Variants in FOXN3 observed in about 807,000 individuals in gnomAD.
FOXN3 encodes forkhead box protein N3.
FOXN3 carries 7 observed loss-of-function variants against 38.4 expected under a neutral mutation model. The ratio of observed to expected loss-of-function variants is 0.18; its 90% CI spans 0.10 to 0.34. The LOEUF is 0.34. Among genes scored for constraint, FOXN3 ranks in the 10% least tolerant of loss-of-function variants. FOXN3 has a pLI of 1.00. For missense variants in FOXN3, 456 were observed against 613.4 expected, an observed-to-expected ratio of 0.74 and a Z score of 2.71; for synonymous variants, 230 against 242.2, an observed-to-expected ratio of 0.95 and a Z score of 0.47.
chr14:89,288,428 G>T (rs1317776943), intron 3 of FOXN3, among the ~76,000 whole-genome samples: 1 of 152,094 alleles, frequency 6.6e-6, no homozygotes, highest in Non-Finnish European at 1.5e-5. Flanking sequence ...CTGACAGGTG[G>T]CAGCTGCTCT....
At chr14:89,226,040 A>G (rs1884627179) in intron 4 of FOXN3, among the ~76,000 whole-genome samples, 1 of 148,666 alleles carries the variant, frequency 6.7e-6, no homozygotes, top group Non-Finnish European at 1.5e-5. Flanking sequence ...GAGCAGCTTT[A>G]TTTCTAAAAT....
chr14:89,505,411 A>G (rs1466933377), intron 1 of FOXN3, among the ~76,000 whole-genome samples: 1 of 151,640 alleles, frequency 6.6e-6, no homozygotes, highest in African/African-American at 2.4e-5. Flanking sequence ...AGTGCCTGCG[A>G]TTGCAGGCGC....
intron 1 of FOXN3, among the ~76,000 whole-genome samples, chr14:89,519,462 AC>A (rs1327415117): frequency 3.1e-4 from 47 of 152,208 alleles, no homozygotes; most frequent in African/African-American, 1.1e-3. Context: ...GAGCCTGGTC[AC>A]AGTTCATGGA....
chr14:89,476,230 G>C (rs1249345762), intron 1 of FOXN3, among the ~76,000 whole-genome samples: 1 of 152,032 alleles, frequency 6.6e-6, no homozygotes, highest in Non-Finnish European at 1.5e-5. Flanking sequence ...GCACTTTTGG[G>C]GTGAGATAAT....
In FOXN3 at chr14:89,159,404, G is replaced by A. The variant is rs1440205720; in HGVS notation, c.*3010C>T. On this transcript the variant is annotated 3_prime_UTR_variant, in exon 6 of 6. Coordinates refer to ENST00000557258, the MANE Select transcript of FOXN3 (RefSeq NM_005197.4). Reference sequence around the variant, plus strand: ...GGCAGATCCAACGAAGGGAGACTCAGGAAAATCACACTTAGAAAGCTGCCC... The same window carrying A: ...GGCAGATCCAACGAAGGGAGACTCAAGAAAATCACACTTAGAAAGCTGCCC... 4 of 152,588 alleles carry A rather than the reference G, an allele frequency of 2.6e-5. No homozygotes were observed. Among genetic ancestry groups the A allele is most frequent in the African/African-American group, 9.7e-5 (4 of 41,408 alleles). 9.5% of individuals were successfully genotyped at this position (152,588 alleles called of 1,614,324 possible). A position where few individuals can be genotyped will look rare whatever the true frequency, so the allele number is the denominator to read the frequency against.
intron 4 of FOXN3, among the ~76,000 whole-genome samples, chr14:89,229,632 C>T (rs1264098526): frequency 2.0e-5 from 3 of 152,126 alleles, no homozygotes; most frequent in Non-Finnish European, 2.9e-5. Context: ...AATACACTTC[C>T]GATGGTGTTT....
intron 3 of FOXN3, among the ~76,000 whole-genome samples, chr14:89,334,308 A>G (rs1888370689): frequency 6.6e-6 from 1 of 151,260 alleles, no homozygotes; most frequent in Non-Finnish European, 1.5e-5. Context: ...AAAAACTTGC[A>G]GTTATAAAAT....
chr14:89,504,567 G>A (rs982911155), intron 1 of FOXN3, among the ~76,000 whole-genome samples: 2 of 152,168 alleles, frequency 1.3e-5, no homozygotes, highest in Non-Finnish European at 2.9e-5. Context: ...GTAAGGCCCA[G>A]AACCACAGCC....
chr14:89,207,032 G>A (rs71426905), intron 4 of FOXN3, among the ~76,000 whole-genome samples: 4 of 152,114 alleles, frequency 2.6e-5, no homozygotes, highest in Non-Finnish European at 4.4e-5. Context: ...AGTAGTAGCA[G>A]TAGCGGCAAG....
chr14:89,582,941 T>C (rs538359931), intron 1 of FOXN3, among the ~76,000 whole-genome samples: 134 of 152,340 alleles, frequency 8.8e-4, no homozygotes, highest in African/African-American at 1.3e-3. Context: ...CATAATGTCA[T>C]GTGTATCAAT....
intron 1 of FOXN3, among the ~76,000 whole-genome samples, chr14:89,608,897 TG>T (rs1896334688): frequency 6.6e-6 from 1 of 152,180 alleles, no homozygotes; most frequent in Admixed American, 6.5e-5. Flanking sequence ...TGACGATCAA[TG>T]GGTGTGTGCT....
chr14:89,357,025 C>T (rs1436579172), intron 2 of FOXN3, among the ~76,000 whole-genome samples: 1 of 152,076 alleles, frequency 6.6e-6, no homozygotes, highest in Non-Finnish European at 1.5e-5. Context: ...TTCAGGTGGG[C>T]AGCAATGAGA....
At chr14:89,383,632 C>T (rs1890717501) in intron 2 of FOXN3, among the ~76,000 whole-genome samples, 1 of 152,206 alleles carries the variant, frequency 6.6e-6, no homozygotes, top group African/African-American at 2.4e-5. Context: ...TGCATTGGTC[C>T]AGTCTCTTCC....
chr14:89,273,809 G>A (rs970802199), intron 4 of FOXN3, among the ~76,000 whole-genome samples: 52 of 152,174 alleles, frequency 3.4e-4, no homozygotes, highest in Admixed American at 1.3e-4. Context: ...ATGCAGTGCA[G>A]AACAATAAGA....
chr14:89,416,272 T>C (rs554162317), intron 1 of FOXN3, among the ~76,000 whole-genome samples: 2 of 152,196 alleles, frequency 1.3e-5, no homozygotes, highest in African/African-American at 4.8e-5. Context: ...CTTATCCCCA[T>C]ATACAGGGCA....
chr14:89,309,167 A>G (rs1349654699), intron 3 of FOXN3, among the ~76,000 whole-genome samples: 1 of 152,184 alleles, frequency 6.6e-6, no homozygotes, highest in Non-Finnish European at 1.5e-5. Flanking sequence ...CACAGCTTAC[A>G]GGCCATTCAA....
intron 4 of FOXN3, among the ~76,000 whole-genome samples, chr14:89,210,417 A>T (rs997495466): frequency 1.3e-5 from 2 of 152,148 alleles, no homozygotes; most frequent in Non-Finnish European, 2.9e-5. Context: ...AGCCTGCAGA[A>T]CCGTAAGCCA....
chr14:89,562,347 G>A (rs1188622399), intron 1 of FOXN3, among the ~76,000 whole-genome samples: 1 of 151,986 alleles, frequency 6.6e-6, no homozygotes, highest in Non-Finnish European at 1.5e-5. Context: ...AGCAACCTCC[G>A]CCTCCCAGGT....
At chr14:89,459,471 G>A (rs1203007236) in intron 1 of FOXN3, among the ~76,000 whole-genome samples, 5 of 152,166 alleles carry the variant, frequency 3.3e-5, no homozygotes, top group African/African-American at 1.2e-4. Flanking sequence ...TACTTTACAC[G>A]TGGGGAAAAT....
Sources: gnomAD v4.1 joint callset for allele counts (sites outside exome capture counted in the v4.1 genomes callset) on GRCh38, gnomAD v4.1.1 for gene constraint, MANE v1.5 for transcripts, NCBI Gene and HGNC (gene_info 2026-07-23, HGNC 2026-07-21) for gene names.